Variants in PIP5K1C observed in about 807,000 individuals in gnomAD.
PIP5K1C encodes the protein phosphatidylinositol-4-phosphate 5-kinase type 1 gamma.
In PIP5K1C, 45 loss-of-function variants were observed where a neutral mutation model predicts 80.1. The observed-to-expected ratio is 0.56, with a 90% CI of 0.44 to 0.72. PIP5K1C has a LOEUF of 0.72. Among genes scored for constraint, PIP5K1C ranks in the 30% least tolerant of loss-of-function variants. The probability of loss-of-function intolerance (pLI) is 0.00; values close to 1 mark genes in which losing one functional copy is unlikely to be tolerated. For synonymous variants in PIP5K1C, 498 were observed against 420.1 expected (o/e 1.19, Z -2.27); for missense variants, 753 against 954.6 (o/e 0.79, Z 2.78).
intron 4 of PIP5K1C, 49 bp from the exon 5 acceptor site, chr19:3,661,132 T>C (rs769190975): frequency 8.0e-7 from 1 of 1,246,240 alleles, no homozygotes; most frequent in Non-Finnish European, 1.2e-6. Context: ...TGGGCACCTC[T>C]CCCCCACCCC....
intron 4 of PIP5K1C, 96 bp from the exon 5 acceptor site, chr19:3,661,179 C>G (rs1000894515): frequency 1.3e-6 from 1 of 786,262 alleles, no homozygotes; most frequent in Admixed American, 2.1e-5. Flanking sequence ...GCAGCTGAGC[C>G]TCTAGCGGCT....
intron 1 of PIP5K1C, among the ~76,000 whole-genome samples, chr19:3,689,839 A>G (rs1442148542): frequency 6.7e-6 from 1 of 150,116 alleles, no homozygotes; most frequent in East Asian, 2.0e-4. Context: ...ACTAACGTAC[A>G]CTCCCCCCCC....
At chr19:3,668,953 G>A (rs376870557) in intron 1 of PIP5K1C, among the ~76,000 whole-genome samples, 20 of 152,286 alleles carry the variant, frequency 1.3e-4, no homozygotes, top group African/African-American at 4.6e-4. Flanking sequence ...GGCGGGTACC[G>A]AAGGGGAGTG....
intron 1 of PIP5K1C, among the ~76,000 whole-genome samples, chr19:3,695,620 G>A (rs1053607171): frequency 3.3e-5 from 5 of 152,160 alleles, no homozygotes; most frequent in Admixed American, 6.5e-5. Context: ...CCTGCATCCC[G>A]GGAGGCGGCC....
intron 17 of PIP5K1C, 77 bp downstream of exon 17, chr19:3,633,360 A>C: frequency 8.5e-7 from 1 of 1,172,236 alleles, no homozygotes; most frequent in Non-Finnish European, 1.2e-6. Context: ...GTCCCTGCCT[A>C]TCCCAGTAGC....
At chr19:3,675,570 G>A (rs1362595701) in intron 1 of PIP5K1C, among the ~76,000 whole-genome samples, 2 of 152,176 alleles carry the variant, frequency 1.3e-5, no homozygotes, top group Non-Finnish European at 2.9e-5. Context: ...CCGACCCTCA[G>A]CTTCTGCTCC....
intron 2 of PIP5K1C, among the ~76,000 whole-genome samples, chr19:3,667,100 C>T (rs1298890009): frequency 6.6e-6 from 1 of 152,084 alleles, no homozygotes; most frequent in African/African-American, 2.4e-5. Context: ...AGGGTGTGGC[C>T]CCTCAGATGC....
intron 16 of PIP5K1C, among the ~76,000 whole-genome samples, chr19:3,635,464 C>A (rs965225814): frequency 2.0e-5 from 3 of 151,224 alleles, no homozygotes; most frequent in African/African-American, 7.3e-5. Context: ...TGGGCAGATA[C>A]CTGAGGTCAG....
intron 5 of PIP5K1C, among the ~76,000 whole-genome samples, chr19:3,660,039 G>A (rs2034778723): frequency 6.6e-6 from 1 of 152,206 alleles, no homozygotes; most frequent in African/African-American, 2.4e-5. Context: ...GGAGCTTTTA[G>A]AAGTGGTGAT....
intron 10 of PIP5K1C, among the ~76,000 whole-genome samples, chr19:3,646,382 G>A (rs766734216): frequency 1.6e-4 from 25 of 152,176 alleles, no homozygotes; most frequent in Non-Finnish European, 3.4e-4. Context: ...GGAGGCTGAG[G>A]CAGGATGGCC....
chr19:3,641,624 T>C, intron 15 of PIP5K1C, 81 bp downstream of exon 15: 1 of 987,764 alleles, frequency 1.0e-6, no homozygotes, highest in Non-Finnish European at 1.6e-6. Flanking sequence ...AACTGCTTCA[T>C]GATGAAACCT....
In PIP5K1C at chr19:3,637,501, C is replaced by G; in HGVS notation, c.1920+1383G>C. 1.3e-6 allele frequency: 2 copies of G among 1,535,682 alleles called. No homozygotes were observed. Among genetic ancestry groups the G allele is most frequent in the Non-Finnish European group, 8.7e-7 (1 of 1,146,784 alleles). On this transcript the variant is annotated intron_variant, in intron 16 of 17. Transcript: ENST00000335312. The surrounding 1 kb of genome is among the most constrained non-coding windows in gnomAD (Gnocchi z 7.0). The stretch of plus-strand genomic sequence containing the variant: ...TCCCTGCTGCCCGAGGGGCACTGCC[C>G]CTTCTCCCCAGGGTGGCCGGCTGCG...
chr19:3,671,648 G>A (rs1395093898), intron 1 of PIP5K1C, among the ~76,000 whole-genome samples: 5 of 152,234 alleles, frequency 3.3e-5, no homozygotes, highest in Admixed American at 2.0e-4. Context: ...GGGCTCCCAG[G>A]GCAGGCAGGA....
intron 6 of PIP5K1C, among the ~76,000 whole-genome samples, chr19:3,654,649 C>T (rs1252642758): frequency 6.6e-6 from 1 of 151,904 alleles, no homozygotes; most frequent in Non-Finnish European, 1.5e-5. Context: ...AACCCCGTCT[C>T]TATTAAAAAT....
Position 3,647,207 on chromosome 19 carries a change from G to A in PIP5K1C, c.1260+131C>T, listed in dbSNP as rs1473965689. 5.2e-6 allele frequency: 4 copies of A among 771,186 alleles called. No homozygotes were observed. In the Admixed American group the frequency reaches 6.4e-5, roughly 12 times the overall value. 47.8% of individuals were successfully genotyped at this position (771,186 alleles called of 1,614,324 possible). ...GAGGGTGCAGGCACTCACAGGAGGA[G>A]GAGGGATGGGAGGAGGGATGGGAGG... On this transcript the variant is annotated intron_variant, in intron 10 of 17. Transcript: ENST00000335312.
intron 1 of PIP5K1C, among the ~76,000 whole-genome samples, chr19:3,693,903 TA>T (rs1792151148): frequency 6.6e-6 from 1 of 151,966 alleles, no homozygotes; most frequent in Non-Finnish European, 1.5e-5. Flanking sequence ...ACCTCACCTC[TA>T]CAAAAAAGTT....
chr19:3,641,211 T>A (rs973328492), intron 15 of PIP5K1C, among the ~76,000 whole-genome samples: 1 of 151,460 alleles, frequency 6.6e-6, no homozygotes, highest in South Asian at 2.1e-4. Context: ...CAATATCCTG[T>A]CTCACAAAAA....
At position 3,700,291 on chromosome 19, in the gene PIP5K1C, C is replaced by G; in HGVS notation, c.94+6G>C. The stretch of plus-strand genomic sequence containing the variant: ...GGGCCGCAGCCCCGGGAGGCCGGGC[C>G]GTTACCTGCCGCCGCCCCGCTCTCT... On this transcript the variant is annotated splice_donor_region_variant and intron_variant, in intron 1 of 17. Coordinates refer to ENST00000335312, the MANE Select transcript of PIP5K1C (RefSeq NM_012398.3). 1 of 1,269,742 alleles carries G rather than the reference C, an allele frequency of 7.9e-7. No homozygotes were observed. Among genetic ancestry groups the G allele is most frequent in the Non-Finnish European group, 1.0e-6 (1 of 990,838 alleles). 78.7% of individuals were successfully genotyped at this position (1,269,742 alleles called of 1,614,324 possible).
intron 1 of PIP5K1C, among the ~76,000 whole-genome samples, chr19:3,694,649 C>A (rs1460644040): frequency 1.3e-5 from 2 of 152,268 alleles, no homozygotes; most frequent in African/African-American, 4.8e-5. Flanking sequence ...CCCCACGCGA[C>A]CCTCTCCCAC....
Sources: gnomAD v4.1 joint callset for allele counts (sites outside exome capture counted in the v4.1 genomes callset) on GRCh38, gnomAD v4.1.1 for gene constraint, Gnocchi (gnomAD v3.1) non-coding constraint, MANE v1.5 for transcripts, NCBI Gene and HGNC (gene_info 2026-07-23, HGNC 2026-07-21) for gene names.